The following USP48 variants were observed in gnomAD, a reference collection of about 807,000 sequenced individuals.
USP48 encodes ubiquitin specific peptidase 48.
USP48 carries 43 observed loss-of-function variants against 150.7 expected under a neutral mutation model. The observed-to-expected ratio is 0.29, with a 90% CI of 0.22 to 0.37. USP48 has a LOEUF of 0.37. Ranked by LOEUF, USP48 falls within the 10% of genes least tolerant of loss-of-function variation. The pLI, the probability that USP48 is intolerant of heterozygous loss-of-function variation, is 1.00. For synonymous variants in USP48, 396 were observed against 425.9 expected (o/e 0.93, Z 0.86); for missense variants, 813 against 1,249.6 (o/e 0.65, Z 5.27).
intron 11 of USP48, 165 bp from the exon 12 acceptor site, chr1:21,724,260 A>C: frequency 1.4e-6 from 1 of 695,980 alleles, no homozygotes; most frequent in East Asian, 2.7e-5. Context: ...ACAAAGCTCC[A>C]GTTAAGTGCC....
rs2097570712 is a variant in USP48, at chr1:21,682,974, A to T, written c.3059-2140T>A. ...ATGAACCAGCTTTAAAAAAAATACA[A>T]ACAAGGCCAGGTGCAATAGCTCACA... is the stretch of plus-strand genomic sequence containing the variant. On this transcript the variant is annotated intron_variant, in intron 25 of 26. Transcript: ENST00000308271. 2.0e-5 allele frequency among the ~76,000 whole-genome samples: 3 copies of T among 152,058 alleles called. No homozygotes were observed. In the East Asian group the frequency reaches 5.8e-4, roughly 29 times the overall value.
intron 23 of USP48, 65 bp downstream of exon 23, chr1:21,695,001 G>A: frequency 2.7e-6 from 4 of 1,502,538 alleles, no homozygotes; most frequent in Non-Finnish European, 2.7e-6. Context: ...AAATACAGGT[G>A]GAAAGCAGGA....
chr1:21,738,412 A>G (rs2097773498), intron 8 of USP48, among the ~76,000 whole-genome samples: 1 of 146,872 alleles, frequency 6.8e-6, no homozygotes, highest in South Asian at 2.2e-4. Context: ...CCAGAGTGCA[A>G]TGGTGTGATC....
intron 8 of USP48, among the ~76,000 whole-genome samples, chr1:21,744,248 C>T (rs569286715): frequency 1.3e-5 from 2 of 151,760 alleles, no homozygotes; most frequent in African/African-American, 4.8e-5. Flanking sequence ...GTTCTCGAGA[C>T]CAGCCTGGCC....
Position 21,774,612 on chromosome 1 carries a change from G to A in USP48, c.134+8212C>T, listed in dbSNP as rs955712394. Among the ~76,000 whole-genome samples the A allele has an allele frequency of 7.3e-5, 11 of 151,522 alleles. No homozygotes were observed. In the South Asian group the frequency reaches 1.7e-3, roughly 23 times the overall value. On this transcript the variant is annotated intron_variant, in intron 1 of 26. Coordinates refer to ENST00000308271, the MANE Select transcript of USP48 (RefSeq NM_032236.8). The stretch of plus-strand genomic sequence containing the variant: ...TGAGGCAGGAGAATTGCTTGAACCC[G>A]GGAGGCAGAGGTTGCAGTGAGACGA...
chr1:21,692,533 C>A (rs1010413585), intron 23 of USP48, among the ~76,000 whole-genome samples: 2 of 152,150 alleles, frequency 1.3e-5, no homozygotes, highest in Admixed American at 1.3e-4. Context: ...GACACAAGTG[C>A]CACAACTAAG....
intron 6 of USP48, 152 bp from the exon 7 acceptor site, chr1:21,748,423 T>C: frequency 2.9e-6 from 2 of 680,764 alleles, no homozygotes; most frequent in Non-Finnish European, 4.7e-6. Context: ...CACACAAAAG[T>C]AATGGGAACT....
chr1:21,764,446 A>C (rs1243844362), intron 1 of USP48, among the ~76,000 whole-genome samples: 1 of 151,472 alleles, frequency 6.6e-6, no homozygotes, highest in Admixed American at 6.6e-5. Context: ...CTCCAAAAAA[A>C]AAAAAAAGCC....
At chr1:21,774,909 T>C (rs1437367341) in intron 1 of USP48, among the ~76,000 whole-genome samples, 1 of 151,660 alleles carries the variant, frequency 6.6e-6, no homozygotes, top group African/African-American at 2.4e-5. Context: ...AAGAATCACT[T>C]GAACCTTGGG....
At chr1:21,725,563 C>G (rs1036739529) in intron 11 of USP48, among the ~76,000 whole-genome samples, 3 of 152,022 alleles carry the variant, frequency 2.0e-5, no homozygotes, top group African/African-American at 7.2e-5. Flanking sequence ...ACCAGCCTGA[C>G]CAACAGGGAG....
intron 3 of USP48, among the ~76,000 whole-genome samples, chr1:21,753,981 C>T (rs967225567): frequency 5.3e-5 from 8 of 151,454 alleles, no homozygotes; most frequent in African/African-American, 1.2e-4. Flanking sequence ...GCCAACATGG[C>T]GAAACCCCGT....
At chr1:21,735,687 G>A (rs1291649370) in intron 9 of USP48, among the ~76,000 whole-genome samples, 2 of 152,198 alleles carry the variant, frequency 1.3e-5, no homozygotes, top group African/African-American at 4.8e-5. Context: ...TCAGGAGTTC[G>A]AGACCAGTCT....
intron 15 of USP48, 166 bp downstream of exon 15, chr1:21,715,223 A>T (rs1460371947): frequency 3.7e-6 from 2 of 538,848 alleles, no homozygotes; most frequent in East Asian, 6.4e-5. Context: ...GGAACAAGTG[A>T]CAAGAAGTTT....
chr1:21,701,536 C>A lies in USP48; in HGVS notation c.2689G>T (p.Ala897Ser), dbSNP rs114556888. ...SSETEEDKEE[A>S]KPDGEKDPDF... ...GGATCTTTTTCTCCATCTGGTTTAG[C>A]TTCTTCCTTGTCCTCCTCTGTTTCA... The change falls in exon 22 of 27, where the codon GCT becomes TCT. Residue 897 changes from alanine (A) to serine (S), a missense_variant. Ala to Ser is a moderately conservative substitution (Grantham distance 99). Transcript: ENST00000308271. 1.8e-4 allele frequency: 289 copies of A among 1,614,054 alleles called. No individual in the cohort carries two copies. The highest frequency in any genetic ancestry group is 2.4e-4 in the Non-Finnish European group (278 of 1,179,948).
intron 11 of USP48, 71 bp downstream of exon 11, chr1:21,728,499 A>C: frequency 6.5e-7 from 1 of 1,542,670 alleles, no homozygotes; most frequent in Non-Finnish European, 8.7e-7. Context: ...AAGTTTCTTC[A>C]TATACATTTG....
chr1:21,753,708 T>A (rs928513718), intron 3 of USP48, among the ~76,000 whole-genome samples: 2 of 149,136 alleles, frequency 1.3e-5, no homozygotes, highest in Non-Finnish European at 3.0e-5. Flanking sequence ...GCACCTGTAA[T>A]CCCTGCTACT....
intron 1 of USP48, chr1:21,781,833 A>G (rs1297918726): frequency 6.6e-6 from 1 of 152,248 alleles, no homozygotes; most frequent in East Asian, 1.9e-4. Context: ...TATTATACAC[A>G]GACTTCAAAC....
At chr1:21,701,689 T>C in intron 21 of USP48, 87 bp from the exon 22 acceptor site, 1 of 995,832 alleles carries the variant, frequency 1.0e-6, no homozygotes, top group Non-Finnish European at 1.6e-6. Context: ...CCGGCAACCT[T>C]TATCAAGACG....
chr1:21,764,129 T>G (rs1259789291), intron 1 of USP48, among the ~76,000 whole-genome samples: 3 of 152,088 alleles, frequency 2.0e-5, no homozygotes, highest in Non-Finnish European at 2.9e-5. Flanking sequence ...TCAAGGAGGT[T>G]GAGTGTTTCA....
Sources: gnomAD v4.1 joint callset for allele counts (sites outside exome capture counted in the v4.1 genomes callset) on GRCh38, gnomAD v4.1.1 for gene constraint, MANE v1.5 for transcripts, NCBI Gene and HGNC (gene_info 2026-07-23, HGNC 2026-07-21) for gene names.